Variants in R3HCC1L observed in about 807,000 individuals in gnomAD.
The protein encoded by R3HCC1L is R3H domain and coiled-coil containing 1 like, also known as coiled-coil domain-containing protein R3HCC1L.
Under a neutral mutation model 59.9 loss-of-function variants are expected in R3HCC1L, and 51 were observed. That is an observed-to-expected ratio of 0.85 (90% confidence interval 0.68 to 1.07). The LOEUF is 1.07. R3HCC1L is among the 50% of genes least tolerant of loss of function. The pLI is 0.00. For synonymous variants in R3HCC1L, 322 were observed against 315.2 expected, an observed-to-expected ratio of 1.02 and a Z score of -0.23; for missense variants, 965 against 933.0, an observed-to-expected ratio of 1.03 and a Z score of -0.45.
chr10:98,140,820 A>G (rs1470505280), intron 1 of R3HCC1L, among the ~76,000 whole-genome samples: 1 of 151,316 alleles, frequency 6.6e-6, no homozygotes, highest in Non-Finnish European at 1.5e-5. Context: ...ATTACCTGTT[A>G]ACTACTTACG....
chr10:98,215,833 T>C (rs1022649241), intron 5 of R3HCC1L, among the ~76,000 whole-genome samples: 4 of 152,156 alleles, frequency 2.6e-5, no homozygotes, highest in African/African-American at 9.6e-5. Context: ...TATCTTAGAA[T>C]TGATGAAATG....
Position 98,184,824 on chromosome 10 carries a change from G to A in R3HCC1L, c.-15+21427G>A, listed in dbSNP as rs188154592. 1.4e-4 allele frequency among the ~76,000 whole-genome samples: 22 copies of A among 152,164 alleles called. No individual in the cohort carries two copies. The East Asian group carries it at 4.1e-3, about 28-fold the overall frequency. On this transcript the variant is annotated intron_variant, in intron 4 of 9. Transcript: ENST00000298999. ...TTTTGTTTGCTTCCCCTAGCTGCAG[G>A]TCCACATTTGGCTTGTAGTAATTAC...
At chr10:98,232,581 T>C (rs1378311117) in intron 6 of R3HCC1L, among the ~76,000 whole-genome samples, 1 of 152,230 alleles carries the variant, frequency 6.6e-6, no homozygotes, top group African/African-American at 2.4e-5. Flanking sequence ...TTTCAGGGTC[T>C]GGAAGAAAGT....
At chr10:98,176,849 CT>C (rs142957925) in intron 4 of R3HCC1L, among the ~76,000 whole-genome samples, 3,379 of 150,416 alleles carry the variant, frequency 0.022, 123 homozygotes, top group African/African-American at 0.077. Context: ...TATTGCTCTG[CT>C]TTTTTTTTGT....
rs140917193 is a variant in R3HCC1L at position 98,194,141 on chromosome 10, G to T, written c.-14-13960G>T. Reference sequence around the variant, plus strand: ...GTGTTAGCATACAAGCAGACATATAGACCAGTAGCACAGACTAGAGAGCCC... The same window carrying T: ...GTGTTAGCATACAAGCAGACATATATACCAGTAGCACAGACTAGAGAGCCC... On this transcript the variant is annotated intron_variant, in intron 4 of 9. Transcript: ENST00000298999. Among the ~76,000 whole-genome samples the T allele has an allele frequency of 5.5e-3, 843 of 152,140 alleles. 12 individuals carry two copies. Among genetic ancestry groups the T allele is most frequent in the African/African-American group, 0.019 (802 of 41,510 alleles).
chr10:98,149,272 C>T (rs1590403866), intron 1 of R3HCC1L, among the ~76,000 whole-genome samples: 2 of 152,028 alleles, frequency 1.3e-5, no homozygotes, highest in East Asian at 3.8e-4. Flanking sequence ...CTTAGTTTAG[C>T]TGAAGTTTTG....
intron 6 of R3HCC1L, 116 bp downstream of exon 6, chr10:98,231,803 G>C (rs1856434772): frequency 5.3e-6 from 6 of 1,137,250 alleles, no homozygotes; most frequent in Admixed American, 5.9e-5. Context: ...TTAGCATCAG[G>C]CTGGTTTATT....
chr10:98,152,137 T>C (rs1001398787), intron 1 of R3HCC1L, among the ~76,000 whole-genome samples: 2 of 152,210 alleles, frequency 1.3e-5, no homozygotes, highest in Non-Finnish European at 2.9e-5. Context: ...ATTTTTTTGG[T>C]GGAGACGGGG....
At chr10:98,196,795 G>T (rs1014914280) in intron 4 of R3HCC1L, among the ~76,000 whole-genome samples, 1 of 152,156 alleles carries the variant, frequency 6.6e-6, no homozygotes, top group Non-Finnish European at 1.5e-5. Context: ...GCAAAAGTAA[G>T]TCAGATCATG....
At chr10:98,157,863 A>G (rs1847033508) in intron 2 of R3HCC1L, among the ~76,000 whole-genome samples, 1 of 152,238 alleles carries the variant, frequency 6.6e-6, no homozygotes. Flanking sequence ...TAATATTACA[A>G]TAGTATTACA....
chr10:98,177,829 A>G (rs1022014898), intron 4 of R3HCC1L, among the ~76,000 whole-genome samples: 7 of 152,106 alleles, frequency 4.6e-5, no homozygotes, highest in African/African-American at 1.7e-4. Context: ...TAAATGTCTT[A>G]TTTTGAAAAG....
At chr10:98,227,012 C>T (rs1471841396) in intron 5 of R3HCC1L, among the ~76,000 whole-genome samples, 1 of 152,216 alleles carries the variant, frequency 6.6e-6, no homozygotes, top group Non-Finnish European at 1.5e-5. Context: ...TATAGATCAG[C>T]TGGTCTTTTC....
intron 4 of R3HCC1L, among the ~76,000 whole-genome samples, chr10:98,178,565 A>G (rs1849288122): frequency 1.3e-5 from 2 of 152,274 alleles, no homozygotes; most frequent in Middle Eastern, 3.4e-3. Flanking sequence ...TTGGTTCCAT[A>G]TGAACTTTAA....
At chr10:98,136,985 C>T (rs922894642) in intron 1 of R3HCC1L, among the ~76,000 whole-genome samples, 11 of 152,066 alleles carry the variant, frequency 7.2e-5, no homozygotes, top group Non-Finnish European at 2.9e-5. Context: ...CCGACGTGGG[C>T]AGATCACGAG....
In R3HCC1L at chr10:98,232,765, C is replaced by T. The variant is rs894844342; in HGVS notation, c.1961+1078C>T. Among the ~76,000 whole-genome samples the T allele has an allele frequency of 9.8e-5, 15 of 152,294 alleles. No homozygotes were observed. In the South Asian group the frequency reaches 1.2e-3, roughly 13 times the overall value. On this transcript the variant is annotated intron_variant, in intron 6 of 9. Coordinates refer to ENST00000298999, the MANE Select transcript of R3HCC1L (RefSeq NM_001351015.2). ...TTAAAGGATAAGTAAATATTTTAGA[C>T]AACTCTGCCATTGTTAAACAGAAGC...
intron 1 of R3HCC1L, among the ~76,000 whole-genome samples, chr10:98,138,030 T>C (rs1844763521): frequency 6.6e-6 from 1 of 152,114 alleles, no homozygotes; most frequent in South Asian, 2.1e-4. Flanking sequence ...TATGTATGTA[T>C]CTGCAGGGAG....
intron 5 of R3HCC1L, chr10:98,231,102 G>A (rs960180444): frequency 2.6e-6 from 1 of 386,268 alleles, no homozygotes; most frequent in South Asian, 2.0e-5. Flanking sequence ...TTCACTTCCA[G>A]AAAAGAAACT....
chr10:98,161,267 CTT>C (rs895220595), intron 2 of R3HCC1L, among the ~76,000 whole-genome samples: 3 of 152,032 alleles, frequency 2.0e-5, no homozygotes, highest in Non-Finnish European at 4.4e-5. Context: ...GTTTGTTTCT[CTT>C]GTTATTAGTG....
At position 98,244,075 on chromosome 10, in the gene R3HCC1L, C is replaced by T; in HGVS notation, c.2270-16C>T. The T allele has an allele frequency of 6.2e-7, 1 of 1,612,670 alleles. No individual in the cohort carries two copies. Among genetic ancestry groups the T allele is most frequent in the Non-Finnish European group, 8.5e-7 (1 of 1,178,814 alleles). On this transcript the variant is annotated splice_polypyrimidine_tract_variant and intron_variant, in intron 9 of 9. Transcript: ENST00000298999. ...ATGAAGTAGACAACTGTGGTTAATA[C>T]TGCTCTTATTTACAGAGAGAAAGCG...
Sources: allele counts gnomAD v4.1 joint callset (sites outside exome capture counted in the v4.1 genomes callset), GRCh38; gene constraint gnomAD v4.1.1; transcripts MANE v1.5; gene names NCBI Gene and HGNC (gene_info 2026-07-23, HGNC 2026-07-21).